The following SCN4B variants were observed in gnomAD, a reference collection of about 807,000 sequenced individuals.
SCN4B encodes the protein sodium channel regulatory subunit beta-4.
In SCN4B, 20 loss-of-function variants were observed where a neutral mutation model predicts 19.6. That is an observed-to-expected ratio of 1.02 (90% CI 0.72 to 1.48). The LOEUF (loss-of-function observed/expected upper bound fraction) is 1.48. SCN4B is among the 40% of genes most tolerant of loss of function. The pLI is 0.00. For synonymous variants in SCN4B, 127 were observed against 122.8 expected, an observed-to-expected ratio of 1.03 and a Z score of -0.22; for missense variants, 271 against 287.5, an observed-to-expected ratio of 0.94 and a Z score of 0.42.
rs531249362 is a variant in SCN4B at position 118,139,124 on chromosome 11, C to T, written c.594-2004G>A. Among the ~76,000 whole-genome samples the T allele has an allele frequency of 2.6e-5, 4 of 152,304 alleles. No individual in the cohort carries two copies. The South Asian group carries it at 8.3e-4, about 32-fold the overall frequency. On this transcript the variant is annotated intron_variant, in intron 4 of 4. Transcript: ENST00000324727. ...GGAAGTCAATCACAGCCTCGACTCC[C>T]AGGTCCCCAAGTGTCTGTCCCCAAC...
In SCN4B at chr11:118,135,926, AC is replaced by A. The variant is rs1328122316; in HGVS notation, c.*1100del. ...CAGCTGAGCAGGAAGCAGCTGGGAA[AC>A]CCAAGGACCCCCTCATCCAAAGGAA... On this transcript the variant is annotated 3_prime_UTR_variant, in exon 5 of 5. Coordinates refer to ENST00000324727, the MANE Select transcript of SCN4B (RefSeq NM_174934.4). The A allele has an allele frequency of 2.9e-5, 13 of 453,878 alleles. No individual in the cohort carries two copies. The highest frequency in any genetic ancestry group is 2.8e-4 in the Admixed American group (12 of 42,514). The allele number at this position is 453,878 out of a possible 1,614,324, so 28.1% of individuals were successfully genotyped here.
At chr11:118,137,984 C>T (rs747858240) in intron 4 of SCN4B, among the ~76,000 whole-genome samples, 8 of 152,130 alleles carry the variant, frequency 5.3e-5, no homozygotes, top group South Asian at 4.1e-4. Flanking sequence ...TTTGGTGGGA[C>T]GGAGCAGAAG....
At position 118,148,870 on chromosome 11, in the gene SCN4B, AT is replaced by A. The variant is rs1215049049; in HGVS notation, c.62-3642del. 6.6e-6 allele frequency among the ~76,000 whole-genome samples: 1 copy of A among 152,152 alleles called. No homozygotes were observed. Among genetic ancestry groups the A allele is most frequent in the African/African-American group, 2.4e-5 (1 of 41,424 alleles). On this transcript the variant is annotated intron_variant, in intron 1 of 4. Transcript: ENST00000324727. This position sits in a 1 kb window ranked among gnomAD's most constrained non-coding sequence, Gnocchi z 4.0. Reference sequence around the variant, plus strand: ...GCTGTTTTCTAAAGTTAATTCTAGAATGTTAAAGTGTACGTGTGTGTGTGTG... The same window carrying A: ...GCTGTTTTCTAAAGTTAATTCTAGAAGTTAAAGTGTACGTGTGTGTGTGTG...
Position 118,152,689 on chromosome 11 carries a change from G to C in SCN4B, c.-16C>G. On this transcript the variant is annotated 5_prime_UTR_variant, in exon 1 of 5. Transcript: ENST00000324727. The stretch of plus-strand genomic sequence containing the variant: ...CCCCGGGCATAGTCCTGTTCTCTCC[G>C]GAGCGCGCGGGGGTCGCGGGGATGG... 6.3e-7 allele frequency: 1 copy of C among 1,578,854 alleles called. No homozygotes were observed. The highest frequency in any genetic ancestry group is 8.7e-7 in the Non-Finnish European group (1 of 1,154,762).
At chr11:118,140,698 G>A (rs1199623522) in intron 4 of SCN4B, among the ~76,000 whole-genome samples, 1 of 152,118 alleles carries the variant, frequency 6.6e-6, no homozygotes, top group Non-Finnish European at 1.5e-5. Flanking sequence ...ACTTATCCTA[G>A]GGCTCCCTGG....
At position 118,134,214 on chromosome 11, in the gene SCN4B, A is replaced by C. The variant is rs1308917384; in HGVS notation, c.*2813T>G. On this transcript the variant is annotated 3_prime_UTR_variant, in exon 5 of 5. Coordinates refer to ENST00000324727, the MANE Select transcript of SCN4B (RefSeq NM_174934.4). ...ACATGGGGAGAAGCCCAGAACCTGG[A>C]ATGCTGATTTCATATTTTGTAGTTG... 1 of 454,032 alleles carries C rather than the reference A, an allele frequency of 2.2e-6. No individual in the cohort carries two copies. The highest frequency in any genetic ancestry group is 6.9e-5 in the East Asian group (1 of 14,406). The allele number at this position is 454,032 out of a possible 1,614,324, so 28.1% of individuals were successfully genotyped here. A position where few individuals can be genotyped will look rare whatever the true frequency, so the allele number is the denominator to read the frequency against.
chr11:118,134,530 C>A lies in SCN4B; in HGVS notation c.*2497G>T, dbSNP rs181429015. 2.2e-6 allele frequency: 1 copy of A among 454,084 alleles called. No homozygotes were observed. The highest frequency in any genetic ancestry group is 4.4e-6 in the Non-Finnish European group (1 of 226,788). The allele number at this position is 454,084 out of a possible 1,614,324, so 28.1% of individuals were successfully genotyped here. On this transcript the variant is annotated 3_prime_UTR_variant, in exon 5 of 5. Coordinates refer to ENST00000324727, the MANE Select transcript of SCN4B (RefSeq NM_174934.4). ...TTTAGCATTCTTAGTAGTGCCCCCACGCATGGGGGCAACCAAAAATGCCCC... is the reference window on the plus strand; with the variant it reads ...TTTAGCATTCTTAGTAGTGCCCCCAAGCATGGGGGCAACCAAAAATGCCCC...
chr11:118,140,455 G>A (rs958023485), intron 4 of SCN4B, among the ~76,000 whole-genome samples: 6 of 152,296 alleles, frequency 3.9e-5, no homozygotes, highest in South Asian at 2.1e-4. Flanking sequence ...TCTGCATCTC[G>A]TGGTTACCAT....
chr11:118,137,184 C>T, intron 4 of SCN4B, 64 bp from the exon 5 acceptor site: 1 of 1,267,916 alleles, frequency 7.9e-7, no homozygotes, highest in East Asian at 2.3e-5. Flanking sequence ...AGAATTGTGG[C>T]AGGAGCCGTG....
At chr11:118,146,157 C>T (rs61041983) in intron 1 of SCN4B, among the ~76,000 whole-genome samples, 3,653 of 152,256 alleles carry the variant, frequency 0.024, 152 homozygotes, top group African/African-American at 0.083. Flanking sequence ...CCCTCGTCCC[C>T]GAGCGCCCCC....
intron 4 of SCN4B, 93 bp downstream of exon 4, chr11:118,141,114 G>T: frequency 7.0e-7 from 1 of 1,427,716 alleles, no homozygotes. Context: ...ATGGGGGGAA[G>T]GAGGAGGCAG....
intron 4 of SCN4B, among the ~76,000 whole-genome samples, chr11:118,138,956 A>T (rs1454919017): frequency 6.6e-6 from 1 of 151,336 alleles, no homozygotes; most frequent in African/African-American, 2.4e-5. Context: ...CACTCCAAGG[A>T]CCTCCCTCAG....
intron 4 of SCN4B, among the ~76,000 whole-genome samples, chr11:118,140,063 G>A (rs1309007131): frequency 6.6e-6 from 1 of 151,934 alleles, no homozygotes; most frequent in Non-Finnish European, 1.5e-5. Flanking sequence ...AACCCACTGT[G>A]GCTCTGAAGG....
At chr11:118,143,737 C>A in intron 3 of SCN4B, 96 bp downstream of exon 3, 1 of 843,568 alleles carries the variant, frequency 1.2e-6, no homozygotes, top group Non-Finnish European at 2.0e-6. Flanking sequence ...AAGAAAACAC[C>A]AACACGGTCC....
Position 118,134,701 on chromosome 11 carries a change from T to G in SCN4B, c.*2326A>C, listed in dbSNP as rs1381964936. 1 of 454,034 alleles carries G rather than the reference T, an allele frequency of 2.2e-6. No homozygotes were observed. The highest frequency in any genetic ancestry group is 4.4e-6 in the Non-Finnish European group (1 of 226,788). The allele number at this position is 454,034 out of a possible 1,614,324, so 28.1% of individuals were successfully genotyped here. ...GATGGAAAGAAAGAGAGAGAGAGTGTGTGTGTCTGTATGTGGGTTGTAGAG... is the reference window on the plus strand; with the variant it reads ...GATGGAAAGAAAGAGAGAGAGAGTGGGTGTGTCTGTATGTGGGTTGTAGAG... On this transcript the variant is annotated 3_prime_UTR_variant, in exon 5 of 5. Coordinates refer to ENST00000324727, the MANE Select transcript of SCN4B (RefSeq NM_174934.4).
intron 1 of SCN4B, among the ~76,000 whole-genome samples, chr11:118,151,616 C>A (rs1467635976): frequency 3.3e-5 from 5 of 152,212 alleles, no homozygotes; most frequent in Non-Finnish European, 1.5e-5. Context: ...GAAACAGTAG[C>A]CACTTCCCTT....
At chr11:118,152,541 T>C (rs1948244560) in intron 1 of SCN4B, 72 bp downstream of exon 1, 2 of 1,333,742 alleles carry the variant, frequency 1.5e-6, no homozygotes, top group East Asian at 2.4e-5. Context: ...CCAAGGCATC[T>C]TCCTTCTCGA....
At position 118,133,813 on chromosome 11, in the gene SCN4B, T is replaced by C. The variant is rs909032861; in HGVS notation, c.*3214A>G. On this transcript the variant is annotated 3_prime_UTR_variant, in exon 5 of 5. Transcript: ENST00000324727. ...TGTCTGTGACACTGAGATGAAGTCA[T>C]GGAGTGACGGAATGCAGGAGCACGG... is the stretch of plus-strand genomic sequence containing the variant. 13 of 454,430 alleles carry C rather than the reference T, an allele frequency of 2.9e-5. No homozygotes were observed. The highest frequency in any genetic ancestry group is 2.0e-4 in the African/African-American group (10 of 50,018). 28.1% of individuals were successfully genotyped at this position (454,430 alleles called of 1,614,324 possible).
rs775573631 is a variant in SCN4B at position 118,136,034 on chromosome 11, CG to C, written c.*992del. ...TGGGGGCAGGGCGTGATGGAGGGCACGGTGGGGGGGGGGGAGCGAGCCAATG... is the reference window on the plus strand; with the variant it reads ...TGGGGGCAGGGCGTGATGGAGGGCACGTGGGGGGGGGGGAGCGAGCCAATG... On this transcript the variant is annotated 3_prime_UTR_variant, in exon 5 of 5. Transcript: ENST00000324727. 68 of 333,632 alleles carry C rather than the reference CG, an allele frequency of 2.0e-4. 1 individual carries two copies. The highest frequency in any genetic ancestry group is 1.1e-3 in the South Asian group (63 of 56,884). The allele number at this position is 333,632 out of a possible 1,614,324, so 20.7% of individuals were successfully genotyped here. A position where few individuals can be genotyped will look rare whatever the true frequency, so the allele number is the denominator to read the frequency against.
Sources: allele counts gnomAD v4.1 joint callset (sites outside exome capture counted in the v4.1 genomes callset), GRCh38; gene constraint gnomAD v4.1.1; non-coding constraint Gnocchi (gnomAD v3.1); transcripts MANE v1.5; gene names NCBI Gene and HGNC (gene_info 2026-07-23, HGNC 2026-07-21).